SKAP1: variants seen among roughly 807,000 people sequenced by gnomAD.
The protein encoded by SKAP1 is src kinase-associated phosphoprotein 1.
A neutral mutation model predicts 58.5 loss-of-function variants in SKAP1; 44 were observed. That is an observed-to-expected ratio of 0.75 (90% CI 0.59 to 0.97). SKAP1 has a LOEUF of 0.97. Ranked by LOEUF, SKAP1 falls within the 50% of genes least tolerant of loss-of-function variation. SKAP1 has a pLI of 0.00. For missense variants in SKAP1, 390 were observed against 435.2 expected (o/e 0.90, Z 0.92); for synonymous variants, 127 against 149.7 (o/e 0.85, Z 1.11).
At chr17:48,264,763 C>CAG (rs1356100177) in intron 4 of SKAP1, among the ~76,000 whole-genome samples, 3 of 151,328 alleles carry the variant, frequency 2.0e-5, no homozygotes, top group Non-Finnish European at 4.4e-5. Flanking sequence ...CACACACACA[C>CAG]ACACACACAC....
chr17:48,274,995 C>G (rs571855730), intron 4 of SKAP1, among the ~76,000 whole-genome samples: 48 of 152,302 alleles, frequency 3.2e-4, no homozygotes, highest in African/African-American at 1.2e-3. Flanking sequence ...ATCTATCTTT[C>G]CTGTGTCTTA....
the SKAP1 span, among the ~76,000 whole-genome samples, chr17:48,436,351 C>T: frequency 1.4e-4 from 22 of 152,160 alleles, no homozygotes; most frequent in Admixed American, 2.6e-4. Context: ...GGATTACAGG[C>T]GTGAGCCACC....
intron 2 of SKAP1, among the ~76,000 whole-genome samples, chr17:48,376,660 G>A (rs139691571): frequency 7.6e-4 from 115 of 152,244 alleles, no homozygotes; most frequent in Middle Eastern, 3.4e-3. Flanking sequence ...CTCAAGTTAC[G>A]AATACTGCAT....
At chr17:48,165,347 G>A (rs1196065195) in intron 10 of SKAP1, among the ~76,000 whole-genome samples, 1 of 151,554 alleles carries the variant, frequency 6.6e-6, no homozygotes, top group Non-Finnish European at 1.5e-5. Context: ...CTATAAACAA[G>A]AGAATGCATG....
chr17:48,134,444 G>T (rs2063674034), intron 12 of SKAP1, among the ~76,000 whole-genome samples: 1 of 151,128 alleles, frequency 6.6e-6, no homozygotes, highest in African/African-American at 2.4e-5. Flanking sequence ...TCAGCCTCCT[G>T]AGTAGCCGGG....
At chr17:48,236,845 C>G (rs1010584627) in intron 4 of SKAP1, among the ~76,000 whole-genome samples, 4 of 152,156 alleles carry the variant, frequency 2.6e-5, no homozygotes, top group South Asian at 2.1e-4. Context: ...GAAATGAGGT[C>G]AGGAAGTCAA....
intron 4 of SKAP1, among the ~76,000 whole-genome samples, chr17:48,252,113 C>A (rs1233503864): frequency 6.6e-6 from 1 of 152,040 alleles, no homozygotes; most frequent in African/African-American, 2.4e-5. Context: ...TCTTTCTGAG[C>A]GATTATGACT....
intron 11 of SKAP1, among the ~76,000 whole-genome samples, chr17:48,156,964 C>T (rs1220190733): frequency 6.6e-6 from 1 of 152,078 alleles, no homozygotes; most frequent in Non-Finnish European, 1.5e-5. Flanking sequence ...AGTATGTGCC[C>T]AACACTGATC....
chr17:48,438,004 T>A, the SKAP1 span, among the ~76,000 whole-genome samples: 1 of 151,986 alleles, frequency 6.6e-6, no homozygotes. Flanking sequence ...GCCTCCCACA[T>A]CCAATTTCCC....
At chr17:48,259,017 T>C (rs1359624107) in intron 4 of SKAP1, among the ~76,000 whole-genome samples, 3 of 152,142 alleles carry the variant, frequency 2.0e-5, no homozygotes, top group African/African-American at 4.8e-5. Flanking sequence ...AGTCTAGTTA[T>C]ATTGTATGAA....
At chr17:48,294,201 A>G (rs1288436251) in intron 4 of SKAP1, 1 of 152,152 alleles carries the variant, frequency 6.6e-6, no homozygotes, top group African/African-American at 2.4e-5. Context: ...AAAAAAATCA[A>G]ATTCTCGTTG....
At chr17:48,209,549 C>T (rs1383755466) in intron 4 of SKAP1, among the ~76,000 whole-genome samples, 4 of 152,176 alleles carry the variant, frequency 2.6e-5, no homozygotes, top group Non-Finnish European at 4.4e-5. Context: ...CACTAAATGA[C>T]TCTTTGCTCT....
intron 4 of SKAP1, among the ~76,000 whole-genome samples, chr17:48,212,908 G>A (rs991360320): frequency 4.6e-5 from 7 of 152,178 alleles, no homozygotes; most frequent in Non-Finnish European, 8.8e-5. Context: ...TATCCCAAGT[G>A]GGTTGATTGG....
chr17:48,433,760 G>A (rs572252190), upstream of SKAP1, among the ~76,000 whole-genome samples: 7 of 152,154 alleles, frequency 4.6e-5, no homozygotes, highest in Admixed American at 3.3e-4. Context: ...CTTGTCCACC[G>A]GGACCCTTCA....
At chr17:48,325,142 G>A (rs2066418099) in intron 4 of SKAP1, among the ~76,000 whole-genome samples, 2 of 151,432 alleles carry the variant, frequency 1.3e-5, no homozygotes, top group East Asian at 3.9e-4. Flanking sequence ...CCAGCTACTC[G>A]GGAGGCTGAG....
chr17:48,369,861 T>G (rs1004768248), intron 2 of SKAP1, among the ~76,000 whole-genome samples: 1 of 152,182 alleles, frequency 6.6e-6, no homozygotes, highest in Non-Finnish European at 1.5e-5. Context: ...AGGAGGAAAG[T>G]CTTGAAAATA....
intron 1 of SKAP1, among the ~76,000 whole-genome samples, chr17:48,423,583 CTT>C (rs375599958): frequency 6.6e-6 from 1 of 151,498 alleles, no homozygotes; most frequent in Non-Finnish European, 1.5e-5. Context: ...GAGGAACCAA[CTT>C]TTTTTTTGTA....
chr17:48,254,609 C>G (rs1264427712), intron 4 of SKAP1, among the ~76,000 whole-genome samples: 1 of 150,998 alleles, frequency 6.6e-6, no homozygotes, highest in Non-Finnish European at 1.5e-5. Context: ...AACACATTAG[C>G]TTTTCAATGG....
intron 4 of SKAP1, among the ~76,000 whole-genome samples, chr17:48,280,602 C>A (rs1057272101): frequency 6.6e-6 from 1 of 152,090 alleles, no homozygotes; most frequent in Non-Finnish European, 1.5e-5. Flanking sequence ...AGTTGTATAA[C>A]CACTACCAAA....
Sources: allele counts gnomAD v4.1 joint callset (sites outside exome capture counted in the v4.1 genomes callset), GRCh38; gene constraint gnomAD v4.1.1; transcripts MANE v1.5; gene names NCBI Gene and HGNC (gene_info 2026-07-23, HGNC 2026-07-21).